SEC22B: variants seen among roughly 807,000 people sequenced by gnomAD.
SEC22B encodes SEC22 homolog B, vesicle trafficking protein.
In SEC22B, 10 loss-of-function variants were observed where a neutral mutation model predicts 31.4. The observed-to-expected ratio is 0.32, with a 90% CI of 0.20 to 0.54. The LOEUF (loss-of-function observed/expected upper bound fraction) is 0.54. Ranked by LOEUF, SEC22B falls within the 20% of genes least tolerant of loss-of-function variation. The pLI is 0.94. For synonymous variants in SEC22B, 60 were observed against 95.9 expected (o/e 0.63, Z 2.19); for missense variants, 130 against 263.4 (o/e 0.49, Z 3.50).
At chr1:120,163,425 A>G in intron 2 of SEC22B, 55 bp from the exon 3 acceptor site, 1 of 1,241,842 alleles carries the variant, frequency 8.1e-7, no homozygotes, top group Admixed American at 2.4e-5. Context: ...AGCACTGACA[A>G]CAGTTTAAAG....
chr1:120,158,986 T>C (rs1181635309), intron 4 of SEC22B: 1 of 148,614 alleles, frequency 6.7e-6, no homozygotes, highest in African/African-American at 2.5e-5. Flanking sequence ...GGGGGATATA[T>C]AAGGAGTATG....
chr1:120,171,276 G>A (rs1657891792), intron 1 of SEC22B, among the ~76,000 whole-genome samples: 1 of 119,270 alleles, frequency 8.4e-6, no homozygotes, highest in African/African-American at 5.4e-5. Flanking sequence ...GAAGAAACAT[G>A]GAAAAAATTG....
Position 120,176,382 on chromosome 1 carries a change from C to T in SEC22B, c.-1G>A, listed in dbSNP as rs1439980965. 5 of 1,613,670 alleles carry T rather than the reference C, an allele frequency of 3.1e-6. No homozygotes were observed. The highest frequency in any genetic ancestry group is 1.1e-5 in the South Asian group (1 of 91,044). Reference sequence around the variant, plus strand: ...GGGCGATCATTGTTAGCAACACCATCTTCACAAACTACAGGGATCCAACAC... The same window carrying T: ...GGGCGATCATTGTTAGCAACACCATTTTCACAAACTACAGGGATCCAACAC... On this transcript the variant is annotated 5_prime_UTR_variant, in exon 1 of 5. Coordinates refer to ENST00000578049, the MANE Select transcript of SEC22B (RefSeq NM_004892.6).
At chr1:120,167,619 A>G (rs1657832007) in intron 2 of SEC22B, among the ~76,000 whole-genome samples, 2 of 152,014 alleles carry the variant, frequency 1.3e-5, no homozygotes, top group Non-Finnish European at 2.9e-5. Context: ...TTCAATTAAG[A>G]TATTATAGTA....
chr1:120,166,428 C>CACACACA (rs1657810169), intron 2 of SEC22B, among the ~76,000 whole-genome samples: 1 of 151,218 alleles, frequency 6.6e-6, no homozygotes, highest in Non-Finnish European at 1.5e-5. Flanking sequence ...CACACACACA[C>CACACACA]ACCATGGAAT....
chr1:120,172,511 C>T lies in SEC22B; in HGVS notation c.76-3562G>A, dbSNP rs1321397988. On this transcript the variant is annotated intron_variant, in intron 1 of 4. Coordinates refer to ENST00000578049, the MANE Select transcript of SEC22B (RefSeq NM_004892.6). The stretch of plus-strand genomic sequence containing the variant: ...GCCCCTACTCCTAAGCATTATGCTA[C>T]CCTAACTCTATAATTGAAATTGTTT... Among the ~76,000 whole-genome samples, 3 of 12,448 alleles carry T rather than the reference C, an allele frequency of 2.4e-4. No individual in the cohort carries two copies. In the East Asian group the frequency reaches 3.6e-3, roughly 15 times the overall value. 8.2% of individuals were successfully genotyped at this position (12,448 alleles called of 152,430 possible).
At chr1:120,176,213 A>G in intron 1 of SEC22B, 94 bp downstream of exon 1, 1 of 1,245,272 alleles carries the variant, frequency 8.0e-7, no homozygotes, top group East Asian at 2.5e-5. Context: ...CCGGGAAGTC[A>G]CAAAGGTCTC....
At chr1:120,170,334 T>C (rs1657876605) in intron 1 of SEC22B, among the ~76,000 whole-genome samples, 1 of 142,768 alleles carries the variant, frequency 7.0e-6, no homozygotes, top group Admixed American at 6.8e-5. Context: ...GGATCTGAGG[T>C]CTAACTTTGA....
rs1553228673 is a variant in SEC22B, at chr1:120,151,333, A to G, written c.*5705T>C. 1 of 152,284 alleles carries G rather than the reference A, an allele frequency of 6.6e-6. No individual in the cohort carries two copies. Among genetic ancestry groups the G allele is most frequent in the African/African-American group, 2.4e-5 (1 of 41,472 alleles). The allele number at this position is 152,284 out of a possible 1,614,324, so 9.4% of individuals were successfully genotyped here. On this transcript the variant is annotated 3_prime_UTR_variant, in exon 5 of 5. Coordinates refer to ENST00000578049, the MANE Select transcript of SEC22B (RefSeq NM_004892.6). Reference sequence around the variant, plus strand: ...AATGGGGCCAGACTGCGAATGGCAAACAAGTATGTGATCTTTTATTCTAAA... The same window carrying G: ...AATGGGGCCAGACTGCGAATGGCAAGCAAGTATGTGATCTTTTATTCTAAA...
rs1223570722 is a variant in SEC22B, at chr1:120,151,984, T to C, written c.*5054A>G. ...AATATAAGAAGCAGCACAGGTTTGG[T>C]TTTATCTTTGAGAACAATGGAGTGG... On this transcript the variant is annotated 3_prime_UTR_variant, in exon 5 of 5. Coordinates refer to ENST00000578049, the MANE Select transcript of SEC22B (RefSeq NM_004892.6). The C allele has an allele frequency of 1.1e-4, 16 of 152,170 alleles. No individual in the cohort carries two copies. The highest frequency in any genetic ancestry group is 1.9e-4 in the Non-Finnish European group (13 of 68,074). 9.4% of individuals were successfully genotyped at this position (152,170 alleles called of 1,614,324 possible).
In SEC22B at chr1:120,154,105, T is replaced by A. The variant is rs1457231546; in HGVS notation, c.*2933A>T. 5 of 151,980 alleles carry A rather than the reference T, an allele frequency of 3.3e-5. No individual in the cohort carries two copies. Among genetic ancestry groups the A allele is most frequent in the Non-Finnish European group, 7.4e-5 (5 of 67,944 alleles). 9.4% of individuals were successfully genotyped at this position (151,980 alleles called of 1,614,324 possible). A position where few individuals can be genotyped will look rare whatever the true frequency, so the allele number is the denominator to read the frequency against. ...TGGTTTACACACTCTTTAACCCATA[T>A]GGCAATCTGGCTTCTGTCTCCAGTG... is the stretch of plus-strand genomic sequence containing the variant. On this transcript the variant is annotated 3_prime_UTR_variant, in exon 5 of 5. Transcript: ENST00000578049.
At chr1:120,162,570 A>C (rs1402242977) in intron 3 of SEC22B, among the ~76,000 whole-genome samples, 1 of 149,880 alleles carries the variant, frequency 6.7e-6, no homozygotes, top group Non-Finnish European at 1.5e-5. Flanking sequence ...CCCTGTACTT[A>C]CTGTACTTAG....
At chr1:120,162,676 T>G (rs1657738097) in intron 3 of SEC22B, among the ~76,000 whole-genome samples, 1 of 152,232 alleles carries the variant, frequency 6.6e-6, no homozygotes, top group Admixed American at 6.5e-5. Context: ...ACACCTATGC[T>G]CACTATTCCT....
At position 120,155,144 on chromosome 1, in the gene SEC22B, A is replaced by G. The variant is rs1175395473; in HGVS notation, c.*1894T>C. 2 of 100,100 alleles carry G rather than the reference A, an allele frequency of 2.0e-5. No homozygotes were observed. The highest frequency in any genetic ancestry group is 5.4e-5 in the Non-Finnish European group (2 of 36,898). 6.2% of individuals were successfully genotyped at this position (100,100 alleles called of 1,614,324 possible). On this transcript the variant is annotated 3_prime_UTR_variant, in exon 5 of 5. Transcript: ENST00000578049. Reference sequence around the variant, plus strand: ...ATTAGCCCAACAAGATTAGATAGAAATGTATCTACAAAGGATATATGTATA... The same window carrying G: ...ATTAGCCCAACAAGATTAGATAGAAGTGTATCTACAAAGGATATATGTATA...
intron 2 of SEC22B, among the ~76,000 whole-genome samples, chr1:120,166,177 C>T (rs1203639022): frequency 7.1e-6 from 1 of 141,138 alleles, no homozygotes; most frequent in Non-Finnish European, 1.5e-5. Context: ...CTTTTATACA[C>T]TATAGAAAAC....
chr1:120,169,810 T>TG (rs1657867596), intron 1 of SEC22B, among the ~76,000 whole-genome samples: 2 of 137,368 alleles, frequency 1.5e-5, no homozygotes, highest in African/African-American at 5.6e-5. Flanking sequence ...CATCCACATG[T>TG]GGGGTAGGGG....
chr1:120,161,269 T>C (rs1309466359), intron 3 of SEC22B, among the ~76,000 whole-genome samples: 2 of 152,100 alleles, frequency 1.3e-5, no homozygotes, highest in African/African-American at 4.8e-5. Flanking sequence ...GGCAAAAGGG[T>C]TCATGATCAT....
At position 120,152,127 on chromosome 1, in the gene SEC22B, T is replaced by A. The variant is rs868932135; in HGVS notation, c.*4911A>T. On this transcript the variant is annotated 3_prime_UTR_variant, in exon 5 of 5. Coordinates refer to ENST00000578049, the MANE Select transcript of SEC22B (RefSeq NM_004892.6). Reference sequence around the variant, plus strand: ...ATTTGGGAGTTACCAGTAATATAGGTAACTGTTGAAGCTCTAAATATAGAA... The same window carrying A: ...ATTTGGGAGTTACCAGTAATATAGGAAACTGTTGAAGCTCTAAATATAGAA... 6.6e-6 allele frequency: 1 copy of A among 151,884 alleles called. No individual in the cohort carries two copies. The highest frequency in any genetic ancestry group is 2.4e-5 in the African/African-American group (1 of 41,296). 9.4% of individuals were successfully genotyped at this position (151,884 alleles called of 1,614,324 possible).
chr1:120,176,415 G>A lies in SEC22B; in HGVS notation c.-34C>T, dbSNP rs1657966446. ...ACTACAGGGATCCAACACTGGCCCG[G>A]AAGGCCCTTGGCGCCGTCCTCACTT... On this transcript the variant is annotated 5_prime_UTR_variant, in exon 1 of 5. Coordinates refer to ENST00000578049, the MANE Select transcript of SEC22B (RefSeq NM_004892.6). 6.3e-7 allele frequency: 1 copy of A among 1,599,000 alleles called. No homozygotes were observed.
Sources: allele counts gnomAD v4.1 joint callset (sites outside exome capture counted in the v4.1 genomes callset), GRCh38; gene constraint gnomAD v4.1.1; transcripts MANE v1.5; gene names NCBI Gene and HGNC (gene_info 2026-07-23, HGNC 2026-07-21).